The following EIF5 variants were observed in gnomAD, a reference collection of about 807,000 sequenced individuals.
The protein encoded by EIF5 is eukaryotic translation initiation factor 5.
In EIF5, 10 loss-of-function variants were observed where a neutral mutation model predicts 48.3. The observed-to-expected ratio is 0.21, with a 90% CI of 0.13 to 0.35. The LOEUF (loss-of-function observed/expected upper bound fraction) is 0.35. EIF5 is among the 10% of genes least tolerant of loss of function. The pLI is 1.00. For missense variants in EIF5, 397 were observed against 533.2 expected (o/e 0.74, Z 2.51); for synonymous variants, 237 against 173.1 (o/e 1.37, Z -2.90).
At chr14:103,338,712 A>G in intron 7 of EIF5, 23 bp from the exon 8 acceptor site, 2 of 1,609,714 alleles carry the variant, frequency 1.2e-6, no homozygotes, top group East Asian at 2.2e-5. Flanking sequence ...CCTTTGATCA[A>G]GTAGCTCTGT....
chr14:103,336,160 G>A lies in EIF5; in HGVS notation c.154+43G>A, dbSNP rs751113858. On this transcript the variant is annotated intron_variant, in intron 4 of 11. Coordinates refer to ENST00000216554, the MANE Select transcript of EIF5 (RefSeq NM_001969.5). ...AAGTCCACAGGGCATATTATGGATA[G>A]AGTCTTCAAAGTCTTTGAGCTGCAA... 9 of 1,585,074 alleles carry A rather than the reference G, an allele frequency of 5.7e-6. No homozygotes were observed. In the Admixed American group the frequency reaches 1.6e-4, roughly 27 times the overall value.
Position 103,338,483 on chromosome 14 carries a change from G to T in EIF5, c.585+11G>T, listed in dbSNP as rs1028046929. The T allele has an allele frequency of 1.3e-6, 2 of 1,559,230 alleles. No individual in the cohort carries two copies. Among genetic ancestry groups the T allele is most frequent in the Middle Eastern group, 1.7e-4 (1 of 5,992 alleles). The stretch of plus-strand genomic sequence containing the variant: ...CCTCCACATACAATGGTGAGTGCAG[G>T]GTTGATGGCCTAGTGGGCACTAAAG... On this transcript the variant is annotated intron_variant, in intron 7 of 11. Coordinates refer to ENST00000216554, the MANE Select transcript of EIF5 (RefSeq NM_001969.5).
rs936264260 is a variant in EIF5 at position 103,341,120 on chromosome 14, C to T, written c.*68C>T. On this transcript the variant is annotated 3_prime_UTR_variant, in exon 12 of 12. Transcript: ENST00000216554. ...TTTCCTCCATTATCAGCCAGAAGTG[C>T]AACATGTATGTGCAAAAGCTAAAAT... 14 of 1,443,154 alleles carry T rather than the reference C, an allele frequency of 9.7e-6. No individual in the cohort carries two copies. The highest frequency in any genetic ancestry group is 1.4e-5 in the Non-Finnish European group (14 of 1,027,356). The allele number at this position is 1,443,154 out of a possible 1,614,324, so 89.4% of individuals were successfully genotyped here.
Position 103,339,179 on chromosome 14 carries a change from A to G in EIF5, c.752A>G (p.Lys251Arg). Residue 251 changes from lysine to arginine, a missense_variant, in exon 9 of 12, where the codon AAA (lysine) becomes AGA (arginine). Lys to Arg is a conservative substitution (Grantham distance 26). This residue lies in a region of EIF5 where 126 missense variants were observed against 141.9 expected (regional missense o/e 0.89). Coordinates refer to ENST00000216554, the MANE Select transcript of EIF5 (RefSeq NM_001969.5). ...TTTTCCTTTTCTTTGCAGAAAAAGA[A>G]AGAAGAGGGTGTTATTGATTCATCT... Reference protein sequence around the residue: ...NILFDFVKKKKEEGVIDSSDK... With the variant: ...NILFDFVKKKREEGVIDSSDK... 1.3e-6 allele frequency: 2 copies of G among 1,597,732 alleles called. No individual in the cohort carries two copies. Among genetic ancestry groups the G allele is most frequent in the South Asian group, 1.1e-5 (1 of 87,626 alleles).
At chr14:103,336,512 C>A in intron 4 of EIF5, 165 bp from the exon 5 acceptor site, 3 of 691,524 alleles carry the variant, frequency 4.3e-6, no homozygotes, top group East Asian at 2.9e-5. Flanking sequence ...ACCCCGGAAA[C>A]GGAGGTTGCA....
In EIF5 at chr14:103,336,699, T is replaced by C; in HGVS notation, c.177T>C (p.Cys59=). 6.2e-7 allele frequency: 1 copy of C among 1,610,348 alleles called. No individual in the cohort carries two copies. The highest frequency in any genetic ancestry group is 8.5e-7 in the Non-Finnish European group (1 of 1,178,966). The part of the protein sequence containing the change: ...PPTYPTKYFG[C]ELGAQTQFDV... ...TAGATCCCACCAAATATTTTGGTTGTGAGCTGGGAGCACAGACCCAGTTTG... is the reference window on the plus strand; with the variant it reads ...TAGATCCCACCAAATATTTTGGTTGCGAGCTGGGAGCACAGACCCAGTTTG... Residue 59 remains cysteine, a synonymous_variant, in exon 5 of 12, where the codon TGT becomes TGC. Coordinates refer to ENST00000216554, the MANE Select transcript of EIF5 (RefSeq NM_001969.5).
intron 8 of EIF5, 86 bp from the exon 9 acceptor site, chr14:103,339,086 T>C (rs1027220565): frequency 6.2e-5 from 94 of 1,510,538 alleles, no homozygotes; most frequent in Admixed American, 8.9e-5. Context: ...AGGAAAAATA[T>C]GTTCATCAGA....
intron 4 of EIF5, 98 bp from the exon 5 acceptor site, chr14:103,336,579 C>G: frequency 8.4e-7 from 1 of 1,197,028 alleles, no homozygotes; most frequent in Non-Finnish European, 1.1e-6. Flanking sequence ...AGACTCTTGT[C>G]TCAAAAAAAA....
rs954767635 is a variant in EIF5 at position 103,342,170 on chromosome 14, T to G, written c.*1118T>G. On this transcript the variant is annotated 3_prime_UTR_variant, in exon 12 of 12. Coordinates refer to ENST00000216554, the MANE Select transcript of EIF5 (RefSeq NM_001969.5). Reference sequence around the variant, plus strand: ...TTTTTTTCTTCCAGAATGTCTTATTTAAAAAGAAAGCTAAAAGCATACTTC... The same window carrying G: ...TTTTTTTCTTCCAGAATGTCTTATTGAAAAAGAAAGCTAAAAGCATACTTC... The G allele has an allele frequency of 1.3e-5, 2 of 152,580 alleles. No individual in the cohort carries two copies. The highest frequency in any genetic ancestry group is 4.8e-5 in the African/African-American group (2 of 41,416). The allele number at this position is 152,580 out of a possible 1,614,324, so 9.5% of individuals were successfully genotyped here.
chr14:103,334,280 G>C lies in EIF5; in HGVS notation c.-418+20G>C, dbSNP rs554899067. The C allele has an allele frequency of 2.3e-3, 356 of 152,464 alleles. 4 individuals carry two copies. Among genetic ancestry groups the C allele is most frequent in the Non-Finnish European group, 3.5e-3 (238 of 68,168 alleles). The allele number at this position is 152,464 out of a possible 1,614,324, so 9.4% of individuals were successfully genotyped here. A position where few individuals can be genotyped will look rare whatever the true frequency, so the allele number is the denominator to read the frequency against. Reference sequence around the variant, plus strand: ...CCAGAGGTGAGTCCGGTGAAGGGGCGGCCCCCTGCCCGGTGCTTCCCGCCC... The same window carrying C: ...CCAGAGGTGAGTCCGGTGAAGGGGCCGCCCCCTGCCCGGTGCTTCCCGCCC... On this transcript the variant is annotated intron_variant, in intron 1 of 11. Coordinates refer to ENST00000216554, the MANE Select transcript of EIF5 (RefSeq NM_001969.5).
rs2089352049 is a variant in EIF5, at chr14:103,341,491, C to T, written c.*439C>T. On this transcript the variant is annotated 3_prime_UTR_variant, in exon 12 of 12. Coordinates refer to ENST00000216554, the MANE Select transcript of EIF5 (RefSeq NM_001969.5). The stretch of plus-strand genomic sequence containing the variant: ...TAGGTCCTGGGGCTGCAAAGAGGTC[C>T]TCAACAGGATGTAAAGCAAACTTAA... The T allele has an allele frequency of 6.3e-6, 1 of 158,760 alleles. No individual in the cohort carries two copies. Among genetic ancestry groups the T allele is most frequent in the Non-Finnish European group, 1.4e-5 (1 of 71,456 alleles). 9.8% of individuals were successfully genotyped at this position (158,760 alleles called of 1,614,324 possible). A position where few individuals can be genotyped will look rare whatever the true frequency, so the allele number is the denominator to read the frequency against.
In EIF5 at chr14:103,336,124, A is replaced by T; in HGVS notation, c.154+7A>T. ...CTTAATCGGCCTCCAACGTGTAAGT[A>T]AAGCTTGGAAAAGTCCACAGGGCAT... On this transcript the variant is annotated splice_region_variant and intron_variant, in intron 4 of 11. Coordinates refer to ENST00000216554, the MANE Select transcript of EIF5 (RefSeq NM_001969.5). 2 of 1,613,584 alleles carry T rather than the reference A, an allele frequency of 1.2e-6. No individual in the cohort carries two copies. The highest frequency in any genetic ancestry group is 1.7e-6 in the Non-Finnish European group (2 of 1,179,666).
At chr14:103,339,602 T>C (rs542189573) in intron 9 of EIF5, 37 bp from the exon 10 acceptor site, 13 of 1,609,662 alleles carry the variant, frequency 8.1e-6, no homozygotes, top group Middle Eastern at 1.7e-4. Flanking sequence ...TTAGAACACA[T>C]AAAAAAGATT....
intron 10 of EIF5, 39 bp from the exon 11 acceptor site, chr14:103,340,388 A>G (rs1436830765): frequency 6.3e-7 from 1 of 1,580,276 alleles, no homozygotes; most frequent in Admixed American, 1.7e-5. Context: ...AAAGTTGTTA[A>G]AATTCCTCAA....
chr14:103,336,804 A>G lies in EIF5; in HGVS notation c.282A>G (p.Lys94=). Residue 94 remains lysine, a synonymous_variant, in exon 5 of 12, where the codon AAA becomes AAG. Transcript: ENST00000216554. ...KLQDMLDGFI[K]KFVLCPECEN... is the part of the protein sequence containing the mutation. ...AAGACATGTTGGATGGATTCATTAAAAAATTTGTTCTCTGTCCTGAATGTG... is the reference window on the plus strand; with the variant it reads ...AAGACATGTTGGATGGATTCATTAAGAAATTTGTTCTCTGTCCTGAATGTG... 1 of 1,614,108 alleles carries G rather than the reference A, an allele frequency of 6.2e-7. No homozygotes were observed. The highest frequency in any genetic ancestry group is 8.5e-7 in the Non-Finnish European group (1 of 1,180,002).
At chr14:103,337,401 T>TC in intron 6 of EIF5, 174 bp downstream of exon 6, 2 of 578,094 alleles carry the variant, frequency 3.5e-6, no homozygotes, top group East Asian at 5.9e-5. Context: ...GGCCAGGAGT[T>TC]CAAGACCAGC....
Position 103,338,790 on chromosome 14 carries a change from G to A in EIF5, c.641G>A (p.Arg214His), listed in dbSNP as rs746094041. 1.2e-6 allele frequency: 2 copies of A among 1,614,178 alleles called. No homozygotes were observed. The highest frequency in any genetic ancestry group is 1.7e-6 in the Non-Finnish European group (2 of 1,180,034). ...GATACAACTGAGGAAGCTCAAAGGC[G>A]TCGAATGGATGAAATCAGTGACCAT... is the stretch of plus-strand genomic sequence containing the variant. The part of the protein sequence containing the change: ...GEDTTEEAQR[R>H]RMDEISDHAK... Residue 214 changes from arginine to histidine, a missense_variant, in exon 8 of 12, where the codon CGT (arginine) becomes CAT (histidine). By Grantham distance (29) the Arg-to-His change is conservative. Around this residue, in one of 4 missense-constraint regions of EIF5, gnomAD observed 126 missense variants for 141.9 expected, o/e 0.89. Transcript: ENST00000216554.
At chr14:103,339,107 G>C in intron 8 of EIF5, 65 bp from the exon 9 acceptor site, 1 of 1,547,022 alleles carries the variant, frequency 6.5e-7, no homozygotes, top group African/African-American at 1.4e-5. Context: ...GCAGGGACTG[G>C]CTGGTGTCTT....
In EIF5 at chr14:103,344,483, C is replaced by T. The variant is rs562574913; in HGVS notation, c.*3431C>T. ...TTCTTTTTAAGAGGAGGAGGATTCA[C>T]TTGGGTGTTGGGATCAAATTTGGAT... On this transcript the variant is annotated 3_prime_UTR_variant, in exon 12 of 12. Transcript: ENST00000216554. 2.0e-5 allele frequency: 3 copies of T among 152,350 alleles called. No individual in the cohort carries two copies. Among genetic ancestry groups the T allele is most frequent in the African/African-American group, 7.2e-5 (3 of 41,568 alleles). The allele number at this position is 152,350 out of a possible 1,614,324, so 9.4% of individuals were successfully genotyped here. A position where few individuals can be genotyped will look rare whatever the true frequency, so the allele number is the denominator to read the frequency against.
Sources: allele counts gnomAD v4.1 joint callset, GRCh38; gene constraint gnomAD v4.1.1; regional missense constraint gnomAD v4.1.1; transcripts MANE v1.5; gene names NCBI Gene and HGNC (gene_info 2026-07-23, HGNC 2026-07-21).